TUBGCP4: variants seen among roughly 807,000 people sequenced by gnomAD.
The protein encoded by TUBGCP4 is gamma-tubulin complex component 4.
A neutral mutation model predicts 91.6 loss-of-function variants in TUBGCP4; 54 were observed. The ratio of observed to expected loss-of-function variants is 0.59; its 90% CI spans 0.47 to 0.74. TUBGCP4 has a LOEUF of 0.74. Ranked by LOEUF, TUBGCP4 falls within the 30% of genes least tolerant of loss-of-function variation. The pLI, the probability that TUBGCP4 is intolerant of heterozygous loss-of-function variation, is 0.00. For missense variants in TUBGCP4, 593 were observed against 800.9 expected, an observed-to-expected ratio of 0.74 and a Z score of 3.13; for synonymous variants, 297 against 302.8, an observed-to-expected ratio of 0.98 and a Z score of 0.20.
intron 9 of TUBGCP4, chr15:43,394,441 T>A (rs1340931885): frequency 6.6e-6 from 1 of 152,214 alleles, no homozygotes; most frequent in African/African-American, 2.4e-5. Context: ...AAATCCAGTT[T>A]ACCTTTTGTT....
At position 43,404,550 on chromosome 15, in the gene TUBGCP4, C is replaced by A. The variant is rs1011148473; in HGVS notation, c.1986C>A (p.Gly662=). ...KYYTQAGGTL[G]SFGM ...ATACCCAGGCTGGTGGAACTCTGGG[C>A]AGGTAGGAGCAACCCTTGGGTAACT... is the stretch of plus-strand genomic sequence containing the variant. The change falls in exon 17 of 18, where the codon GGC becomes GGA. Residue 662 remains glycine (G), a splice_region_variant and synonymous_variant. Coordinates refer to ENST00000564079, the MANE Select transcript of TUBGCP4 (RefSeq NM_014444.5). 3 of 1,614,006 alleles carry A rather than the reference C, an allele frequency of 1.9e-6. No individual in the cohort carries two copies.
chr15:43,406,509 G>A lies in TUBGCP4; in HGVS notation c.*1295G>A. The A allele has an allele frequency of 2.2e-6, 1 of 445,822 alleles. No homozygotes were observed. The allele number at this position is 445,822 out of a possible 1,614,324, so 27.6% of individuals were successfully genotyped here. ...CCCATTTGTTTACTCATTGTCTATGGTTGCTTTCATGCCCTCACAGCAAAG... is the reference window on the plus strand; with the variant it reads ...CCCATTTGTTTACTCATTGTCTATGATTGCTTTCATGCCCTCACAGCAAAG... On this transcript the variant is annotated 3_prime_UTR_variant, in exon 18 of 18. Transcript: ENST00000564079.
At chr15:43,386,044 G>T (rs1030695938) in intron 8 of TUBGCP4, 88 bp downstream of exon 8, 13 of 1,546,590 alleles carry the variant, frequency 8.4e-6, no homozygotes, top group East Asian at 2.3e-5. Flanking sequence ...TGGTCAGAGC[G>T]AGTGGTCGAT....
At position 43,405,884 on chromosome 15, in the gene TUBGCP4, AC is replaced by A. The variant is rs1325388799; in HGVS notation, c.*671del. 3 of 152,258 alleles carry A rather than the reference AC, an allele frequency of 2.0e-5. No individual in the cohort carries two copies. The highest frequency in any genetic ancestry group is 7.2e-5 in the African/African-American group (3 of 41,510). 9.4% of individuals were successfully genotyped at this position (152,258 alleles called of 1,614,324 possible). ...ATGAAACCTCGATTCTACTAAAAAT[AC>A]AAAAATTAGCCAGGTGTGGTGGCAT... On this transcript the variant is annotated 3_prime_UTR_variant, in exon 18 of 18. Coordinates refer to ENST00000564079, the MANE Select transcript of TUBGCP4 (RefSeq NM_014444.5).
chr15:43,407,931 T>C lies in TUBGCP4; in HGVS notation c.*2717T>C, dbSNP rs998071347. On this transcript the variant is annotated 3_prime_UTR_variant, in exon 18 of 18. Coordinates refer to ENST00000564079, the MANE Select transcript of TUBGCP4 (RefSeq NM_014444.5). ...CCTGGAACAAAGACACTACACACAC[T>C]CTTTCAGGTACCTTTGTTATGGGCA... 1.9e-6 allele frequency: 3 copies of C among 1,608,446 alleles called. No individual in the cohort carries two copies. The highest frequency in any genetic ancestry group is 2.7e-5 in the African/African-American group (2 of 74,860).
chr15:43,382,394 A>G (rs2044298506), intron 6 of TUBGCP4, among the ~76,000 whole-genome samples: 1 of 152,142 alleles, frequency 6.6e-6, no homozygotes, highest in South Asian at 2.1e-4. Flanking sequence ...GGATCCGATC[A>G]GTGTTCACAT....
Position 43,407,496 on chromosome 15 carries a change from C to T in TUBGCP4, c.*2282C>T, listed in dbSNP as rs746684077. On this transcript the variant is annotated 3_prime_UTR_variant, in exon 18 of 18. Coordinates refer to ENST00000564079, the MANE Select transcript of TUBGCP4 (RefSeq NM_014444.5). Reference sequence around the variant, plus strand: ...TGTGACACCACAGGCAGCTGCAATGCTTCAGCACACTTCAGCACCGAGGCT... The same window carrying T: ...TGTGACACCACAGGCAGCTGCAATGTTTCAGCACACTTCAGCACCGAGGCT... The T allele has an allele frequency of 5.6e-6, 9 of 1,614,102 alleles. No individual in the cohort carries two copies. Among genetic ancestry groups the T allele is most frequent in the Non-Finnish European group, 6.8e-6 (8 of 1,180,044 alleles).
At position 43,408,789 on chromosome 15, in the gene TUBGCP4, C is replaced by T. The variant is rs542953222; in HGVS notation, c.*3575C>T. On this transcript the variant is annotated 3_prime_UTR_variant, in exon 18 of 18. Transcript: ENST00000564079. ...TTCAAACCCACTCAAATTTATCCCA[C>T]AGACATTCCAATTTCTAGAAAGCTT... 4.2e-4 allele frequency: 476 copies of T among 1,121,918 alleles called. 1 individual carries two copies. Among genetic ancestry groups the T allele is most frequent in the Admixed American group, 9.6e-4 (46 of 47,836 alleles). The allele number at this position is 1,121,918 out of a possible 1,614,324, so 69.5% of individuals were successfully genotyped here.
chr15:43,401,554 A>T (rs2044681120), intron 14 of TUBGCP4, among the ~76,000 whole-genome samples, 162 bp from the exon 15 acceptor site: 1 of 152,156 alleles, frequency 6.6e-6, no homozygotes. Flanking sequence ...ACTTCCTACA[A>T]GGCTGGGCAA....
chr15:43,393,771 T>C (rs531931736), intron 9 of TUBGCP4, among the ~76,000 whole-genome samples: 16 of 152,190 alleles, frequency 1.1e-4, no homozygotes, highest in African/African-American at 2.9e-4. Flanking sequence ...ACAAAGGACA[T>C]GAACTCACCA....
Position 43,408,430 on chromosome 15 carries a change from G to A in TUBGCP4, c.*3216G>A, listed in dbSNP as rs981058811. 1.1e-5 allele frequency: 3 copies of A among 276,488 alleles called. No homozygotes were observed. The highest frequency in any genetic ancestry group is 8.8e-5 in the East Asian group (1 of 11,400). 17.1% of individuals were successfully genotyped at this position (276,488 alleles called of 1,614,324 possible). ...TGGGAGGTTGAGGCTGCAGTAAGTC[G>A]TCACTGCGCCACTGTACTCCAGCCT... On this transcript the variant is annotated 3_prime_UTR_variant, in exon 18 of 18. Transcript: ENST00000564079.
rs555024415 is a variant in TUBGCP4 at position 43,406,102 on chromosome 15, T to C, written c.*888T>C. 3 of 139,876 alleles carry C rather than the reference T, an allele frequency of 2.1e-5. No individual in the cohort carries two copies. The highest frequency in any genetic ancestry group is 2.1e-4 in the East Asian group (1 of 4,732). The allele number at this position is 139,876 out of a possible 1,614,324, so 8.7% of individuals were successfully genotyped here. On this transcript the variant is annotated 3_prime_UTR_variant, in exon 18 of 18. Coordinates refer to ENST00000564079, the MANE Select transcript of TUBGCP4 (RefSeq NM_014444.5). ...CAAGAAAAAGGTCCTTAAGAAAAAA[T>C]TGAGATCAAGTTGTTAGATTTTTAA...
At position 43,386,307 on chromosome 15, in the gene TUBGCP4, C is replaced by T. The variant is rs781034416; in HGVS notation, c.991C>T (p.Arg331Cys). 9 of 1,542,540 alleles carry T rather than the reference C, an allele frequency of 5.8e-6. No individual in the cohort carries two copies. The highest frequency in any genetic ancestry group is 3.4e-5 in the South Asian group (3 of 88,614). Residue 331 changes from arginine (R) to cysteine (C), a missense_variant, in exon 9 of 18, where the codon CGC (arginine) becomes TGC (cysteine). Coordinates refer to ENST00000564079, the MANE Select transcript of TUBGCP4 (RefSeq NM_014444.5). ...SLVDFEQVVDRIRSTVAEHLW... is the reference protein window; with the variant it reads ...SLVDFEQVVDCIRSTVAEHLW... ...GGTGGACTTTGAACAGGTGGTGGAT[C>T]GCATTCGCAGCACTGTGGCTGAGGT...
chr15:43,380,252 G>C, intron 6 of TUBGCP4, 89 bp downstream of exon 6: 1 of 1,223,538 alleles, frequency 8.2e-7, no homozygotes, highest in Non-Finnish European at 1.2e-6. Flanking sequence ...GGTCATTTCA[G>C]GTTTCCCTCT....
chr15:43,385,521 G>A, intron 7 of TUBGCP4: 1 of 506,334 alleles, frequency 2.0e-6, no homozygotes, highest in East Asian at 4.3e-5. Context: ...AAGGAAGCTG[G>A]TCGACTGTGC....
At position 43,377,836 on chromosome 15, in the gene TUBGCP4, C is replaced by G. The variant is rs757005436; in HGVS notation, c.385-11C>G. On this transcript the variant is annotated splice_polypyrimidine_tract_variant and intron_variant, in intron 4 of 17. Coordinates refer to ENST00000564079, the MANE Select transcript of TUBGCP4 (RefSeq NM_014444.5). ...GATTACATACCCTTCTAATTATTCT[C>G]TACTTTGCAGTTCCAGCTTCTTTTT... 3 of 1,595,520 alleles carry G rather than the reference C, an allele frequency of 1.9e-6. No individual in the cohort carries two copies. Among genetic ancestry groups the G allele is most frequent in the Non-Finnish European group, 2.6e-6 (3 of 1,171,434 alleles).
intron 9 of TUBGCP4, chr15:43,394,673 G>A (rs1252647519): frequency 6.1e-6 from 1 of 163,868 alleles, no homozygotes; most frequent in Non-Finnish European, 1.3e-5. Flanking sequence ...CTCATGAATG[G>A]TTTAGCGCCA....
chr15:43,385,409 A>T (rs757691425), intron 7 of TUBGCP4: 44 of 460,144 alleles, frequency 9.6e-5, no homozygotes, highest in South Asian at 6.8e-4. Flanking sequence ...GTAGGCTGAG[A>T]GGAAAAGACA....
Position 43,380,327 on chromosome 15 carries a change from T to A in TUBGCP4, c.521+164T>A, listed in dbSNP as rs554591416. ...AGAGGAGCCCATGTAACCTTTATTA[T>A]GGCTCAGGCCTTGCAAAAAGGGCTA... is the stretch of plus-strand genomic sequence containing the variant. On this transcript the variant is annotated intron_variant, in intron 6 of 17. Coordinates refer to ENST00000564079, the MANE Select transcript of TUBGCP4 (RefSeq NM_014444.5). Among the ~76,000 whole-genome samples, 4 of 152,366 alleles carry A rather than the reference T, an allele frequency of 2.6e-5. No homozygotes were observed. The South Asian group carries it at 6.2e-4, about 24-fold the overall frequency.
Sources: gnomAD v4.1 joint callset for allele counts (sites outside exome capture counted in the v4.1 genomes callset) on GRCh38, gnomAD v4.1.1 for gene constraint, MANE v1.5 for transcripts, NCBI Gene and HGNC (gene_info 2026-07-23, HGNC 2026-07-21) for gene names.